The following TBC1D1 variants were observed in gnomAD, a reference collection of about 807,000 sequenced individuals.
TBC1D1 encodes the protein TBC1 domain family member 1, also known as TBC1 (tre-2/USP6, BUB2, cdc16) domain family, member 1.
Under a neutral mutation model 125.6 loss-of-function variants are expected in TBC1D1, and 89 were observed. The ratio of observed to expected loss-of-function variants is 0.71; its 90% CI spans 0.60 to 0.85. The LOEUF is 0.85. TBC1D1 is among the 40% of genes least tolerant of loss of function. TBC1D1 has a pLI of 0.00. For synonymous variants in TBC1D1, 565 were observed against 564.1 expected, an observed-to-expected ratio of 1.00 and a Z score of -0.02; for missense variants, 1,377 against 1,469.2, an observed-to-expected ratio of 0.94 and a Z score of 1.03.
intron 15 of TBC1D1, among the ~76,000 whole-genome samples, chr4:38,106,223 G>A (rs1002536798): frequency 2.0e-5 from 3 of 152,290 alleles, no homozygotes; most frequent in Non-Finnish European, 1.5e-5. Flanking sequence ...CATCTCATGG[G>A]CCCTCACAAC....
intron 8 of TBC1D1, among the ~76,000 whole-genome samples, chr4:38,043,121 C>T (rs1368685639): frequency 6.6e-6 from 1 of 151,568 alleles, no homozygotes; most frequent in Non-Finnish European, 1.5e-5. Flanking sequence ...AGGCTGATCT[C>T]AAACTCCCGA....
At chr4:38,080,194 G>A (rs748709577) in intron 12 of TBC1D1, among the ~76,000 whole-genome samples, 7 of 152,232 alleles carry the variant, frequency 4.6e-5, no homozygotes, top group Non-Finnish European at 1.0e-4. Context: ...CAGATGTCCT[G>A]ACCTCTGTGC....
intron 8 of TBC1D1, among the ~76,000 whole-genome samples, chr4:38,037,663 G>T (rs1198743753): frequency 1.3e-5 from 2 of 152,232 alleles, no homozygotes; most frequent in Non-Finnish European, 2.9e-5. Flanking sequence ...ATAGACCGTG[G>T]TAGGATCATG....
rs530209672 is a variant in TBC1D1, at chr4:37,945,158, C to A, written c.417+42646C>A. Among the ~76,000 whole-genome samples, 10 of 152,174 alleles carry A rather than the reference C, an allele frequency of 6.6e-5. No individual in the cohort carries two copies. The East Asian group carries it at 1.7e-3, about 26-fold the overall frequency. On this transcript the variant is annotated intron_variant, in intron 2 of 19. Transcript: ENST00000261439. ...AGTTCAGGTTGTTACAGGGCTGACC[C>A]AAATCATCGCTCTTGGTCCAAGTAT...
chr4:38,063,764 G>T (rs1753188563), intron 12 of TBC1D1, among the ~76,000 whole-genome samples: 1 of 152,092 alleles, frequency 6.6e-6, no homozygotes, highest in Non-Finnish European at 1.5e-5. Flanking sequence ...GAGTAGCTGG[G>T]ATTACAGGCA....
At chr4:37,950,119 C>A (rs1727525422) in intron 2 of TBC1D1, among the ~76,000 whole-genome samples, 1 of 152,262 alleles carries the variant, frequency 6.6e-6, no homozygotes, top group African/African-American at 2.4e-5. Flanking sequence ...ACCAAATTGA[C>A]AAACCAGGAC....
rs933161739 is a variant in TBC1D1, at chr4:38,139,173, A to G, written c.*1838A>G. ...AAAACAAGAAATAATTCATGCTCAC[A>G]TTTTTATGGTGGTTTTTTTTTTTTT... On this transcript the variant is annotated 3_prime_UTR_variant, in exon 20 of 20. Transcript: ENST00000261439. 1 of 146,552 alleles carries G rather than the reference A, an allele frequency of 6.8e-6. No individual in the cohort carries two copies. The highest frequency in any genetic ancestry group is 1.5e-5 in the Non-Finnish European group (1 of 67,072). The allele number at this position is 146,552 out of a possible 1,614,324, so 9.1% of individuals were successfully genotyped here.
intron 1 of TBC1D1, among the ~76,000 whole-genome samples, chr4:37,896,419 C>T (rs1180170011): frequency 6.6e-6 from 1 of 152,186 alleles, no homozygotes; most frequent in Non-Finnish European, 1.5e-5. Context: ...TAATTCCCAT[C>T]CTTTCTTCAT....
At chr4:37,952,136 A>T (rs574836918) in intron 2 of TBC1D1, 347 of 714,504 alleles carry the variant, frequency 4.9e-4, no homozygotes, top group Non-Finnish European at 7.1e-4. Context: ...TGCAGTCATG[A>T]TGAACCCAGC....
chr4:38,003,186 A>G (rs1578224240), intron 2 of TBC1D1, among the ~76,000 whole-genome samples: 1 of 152,160 alleles, frequency 6.6e-6, no homozygotes, highest in African/African-American at 2.4e-5. Context: ...ATACAATTAG[A>G]TCTATAACTA....
intron 2 of TBC1D1, among the ~76,000 whole-genome samples, chr4:37,930,320 T>A (rs1723007497): frequency 6.6e-6 from 1 of 152,168 alleles, no homozygotes; most frequent in East Asian, 1.9e-4. Flanking sequence ...TGTTTAGGAT[T>A]GCATGCTTTT....
At chr4:37,950,057 C>G (rs1425808005) in intron 2 of TBC1D1, among the ~76,000 whole-genome samples, 1 of 152,110 alleles carries the variant, frequency 6.6e-6, no homozygotes, top group African/African-American at 2.4e-5. Flanking sequence ...GGTCTCCAAC[C>G]AGACAAACTC....
At chr4:38,052,701 T>C (rs1433487559) in intron 11 of TBC1D1, among the ~76,000 whole-genome samples, 1 of 135,580 alleles carries the variant, frequency 7.4e-6, no homozygotes, top group Non-Finnish European at 1.6e-5. Context: ...TGCATGCGTA[T>C]ATACACACAC....
chr4:37,966,278 A>G (rs1345952595), intron 2 of TBC1D1, among the ~76,000 whole-genome samples: 1 of 152,182 alleles, frequency 6.6e-6, no homozygotes, highest in Non-Finnish European at 1.5e-5. Context: ...ATCCATGTGC[A>G]AATTGATTGA....
intron 2 of TBC1D1, among the ~76,000 whole-genome samples, chr4:37,916,408 C>T (rs1324707646): frequency 6.6e-6 from 1 of 151,756 alleles, no homozygotes; most frequent in East Asian, 1.9e-4. Flanking sequence ...GATAGAGGTG[C>T]ATCGTTTTTA....
At chr4:38,080,758 G>A (rs1392425288) in intron 12 of TBC1D1, among the ~76,000 whole-genome samples, 1 of 152,078 alleles carries the variant, frequency 6.6e-6, no homozygotes, top group Non-Finnish European at 1.5e-5. Context: ...CACCTTATGG[G>A]CTGCCCTTGA....
chr4:37,908,357 C>T (rs1717808082), intron 2 of TBC1D1, among the ~76,000 whole-genome samples: 1 of 152,116 alleles, frequency 6.6e-6, no homozygotes, highest in African/African-American at 2.4e-5. Context: ...AGGCGCCCGC[C>T]ACCACTCCCA....
At chr4:37,981,570 C>T (rs1276083714) in intron 2 of TBC1D1, among the ~76,000 whole-genome samples, 1 of 152,130 alleles carries the variant, frequency 6.6e-6, no homozygotes, top group Non-Finnish European at 1.5e-5. Context: ...AAGTAAGTGG[C>T]TCCGGGCTGG....
At chr4:37,920,625 T>C (rs1345756896) in intron 2 of TBC1D1, among the ~76,000 whole-genome samples, 2 of 152,112 alleles carry the variant, frequency 1.3e-5, no homozygotes, top group African/African-American at 4.8e-5. Flanking sequence ...TGGGCAGGGC[T>C]GGAGCCATGC....
Sources: allele counts gnomAD v4.1 joint callset (sites outside exome capture counted in the v4.1 genomes callset), GRCh38; gene constraint gnomAD v4.1.1; transcripts MANE v1.5; gene names NCBI Gene and HGNC (gene_info 2026-07-23, HGNC 2026-07-21).